The following ME2 variants were observed in gnomAD, a reference collection of about 807,000 sequenced individuals.
The protein encoded by ME2 is NAD-dependent malic enzyme, mitochondrial.
ME2 carries 60 observed loss-of-function variants against 73.7 expected under a neutral mutation model. The observed-to-expected ratio is 0.81, with a 90% CI of 0.66 to 1.01. The LOEUF (loss-of-function observed/expected upper bound fraction) is 1.01, where lower values mean the gene tolerates loss of function less well. ME2 is among the 50% of genes least tolerant of loss of function. The pLI is 0.00. For missense variants in ME2, 594 were observed against 705.5 expected (o/e 0.84, Z 1.79); for synonymous variants, 199 against 236.9 (o/e 0.84, Z 1.47).
chr18:50,909,560 T>C (rs1463376091), intron 3 of ME2, among the ~76,000 whole-genome samples: 1 of 152,158 alleles, frequency 6.6e-6, no homozygotes, highest in African/African-American at 2.4e-5. Context: ...GAACTAAGCA[T>C]ATCAATTGAG....
intron 4 of ME2, among the ~76,000 whole-genome samples, chr18:50,914,540 TTTG>T (rs1358887277): frequency 6.6e-6 from 1 of 152,206 alleles, no homozygotes; most frequent in African/African-American, 2.4e-5. Context: ...ATGGGTTTTT[TTTG>T]TTGTTCATTT....
At chr18:50,943,205 C>G (rs1173022840) in intron 15 of ME2, among the ~76,000 whole-genome samples, 1 of 152,084 alleles carries the variant, frequency 6.6e-6, no homozygotes, top group Non-Finnish European at 1.5e-5. Context: ...TTTTCTTAAA[C>G]ATTAGGATTG....
At chr18:50,882,867 T>A (rs532640619) in intron 1 of ME2, among the ~76,000 whole-genome samples, 10 of 152,238 alleles carry the variant, frequency 6.6e-5, no homozygotes, top group African/African-American at 2.4e-4. Flanking sequence ...GAGAATCGCT[T>A]GAACCTGGAA....
chr18:50,909,851 G>A (rs545400222), intron 3 of ME2, among the ~76,000 whole-genome samples: 3 of 152,136 alleles, frequency 2.0e-5, no homozygotes, highest in Non-Finnish European at 4.4e-5. Context: ...AAGGTCTAGG[G>A]AAAGGAAAAA....
chr18:50,904,172 C>G (rs1195040129), intron 2 of ME2, among the ~76,000 whole-genome samples: 1 of 151,962 alleles, frequency 6.6e-6, no homozygotes, highest in Non-Finnish European at 1.5e-5. Flanking sequence ...CACTCTAGCT[C>G]TCTTTTGGTT....
At chr18:50,880,883 T>C (rs2144170957) in intron 1 of ME2, among the ~76,000 whole-genome samples, 1 of 152,332 alleles carries the variant, frequency 6.6e-6, no homozygotes, top group East Asian at 1.9e-4. Context: ...AATATATTTA[T>C]GAAAACAAAA....
chr18:50,880,357 C>G (rs1050257685), intron 1 of ME2, among the ~76,000 whole-genome samples: 1 of 152,180 alleles, frequency 6.6e-6, no homozygotes, highest in African/African-American at 2.4e-5. Context: ...GCATCCTCCA[C>G]CCCCACTCCC....
chr18:50,913,666 A>G (rs1223876305), intron 4 of ME2, among the ~76,000 whole-genome samples: 1 of 152,050 alleles, frequency 6.6e-6, no homozygotes, highest in Non-Finnish European at 1.5e-5. Context: ...TTTCATTCCA[A>G]ATAGTTGTAG....
At chr18:50,941,047 C>T (rs1428086268) in intron 15 of ME2, among the ~76,000 whole-genome samples, 1 of 151,826 alleles carries the variant, frequency 6.6e-6, no homozygotes, top group African/African-American at 2.4e-5. Context: ...CATCTGAGGT[C>T]AGGAGTTCGA....
chr18:50,944,745 A>G (rs1012532285), intron 15 of ME2, among the ~76,000 whole-genome samples: 3 of 152,134 alleles, frequency 2.0e-5, no homozygotes, highest in African/African-American at 7.2e-5. Flanking sequence ...TATTGTATGC[A>G]TGGTGGCCAC....
intron 12 of ME2, among the ~76,000 whole-genome samples, chr18:50,931,906 C>T (rs1917699183): frequency 6.6e-6 from 1 of 152,112 alleles, no homozygotes; most frequent in Admixed American, 6.6e-5. Context: ...CCATCTCAAA[C>T]TCCTGGCCTC....
chr18:50,880,554 G>T (rs1916293622), intron 1 of ME2, among the ~76,000 whole-genome samples: 1 of 152,172 alleles, frequency 6.6e-6, no homozygotes, highest in Admixed American at 6.5e-5. Context: ...CTGGGAGGCC[G>T]ACGTGGGTGG....
At position 50,917,447 on chromosome 18, in the gene ME2, G is replaced by T; in HGVS notation, c.569G>T (p.Cys190Phe). 1 of 1,613,616 alleles carries T rather than the reference G, an allele frequency of 6.2e-7. No homozygotes were observed. Among genetic ancestry groups the T allele is most frequent in the Non-Finnish European group, 8.5e-7 (1 of 1,179,652 alleles). ...GGAAAACTTTGTTTGTATACAGCTT[G>T]TGCAGGAATACGGCCTGATAGATGC... ...PVGKLCLYTA[C>F]AGIRPDRCLP... Residue 190 changes from cysteine (C) to phenylalanine (F), a missense_variant, in exon 6 of 16, where the codon TGT becomes TTT. Physicochemically the swap from Cys to Phe is radical, Grantham distance 205 (BLOSUM62 -2). Transcript: ENST00000321341.
At chr18:50,932,155 A>G (rs1917707457) in intron 12 of ME2, 103 bp from the exon 13 acceptor site, 3 of 842,648 alleles carry the variant, frequency 3.6e-6, no homozygotes, top group East Asian at 5.2e-5. Flanking sequence ...TCCAAGTAAT[A>G]TATTGGTCTA....
intron 2 of ME2, among the ~76,000 whole-genome samples, chr18:50,906,397 C>G (rs1333912534): frequency 3.9e-5 from 6 of 152,100 alleles, no homozygotes; most frequent in Admixed American, 3.9e-4. Context: ...ACTGCAACTT[C>G]CACCTCCCAG....
chr18:50,920,572 CA>C lies in ME2; in HGVS notation c.844+14del. 2 of 1,570,758 alleles carry C rather than the reference CA, an allele frequency of 1.3e-6. No homozygotes were observed. Among genetic ancestry groups the C allele is most frequent in the East Asian group, 2.3e-5 (1 of 44,182 alleles). ...TTCAATGATGATATTCAAGGTAAAG[CA>C]AAAAAACTTCAGGGTTTTGATTCCT... On this transcript the variant is annotated splice_region_variant and intron_variant, in intron 8 of 15. Coordinates refer to ENST00000321341, the MANE Select transcript of ME2 (RefSeq NM_002396.5).
chr18:50,906,838 G>GAGGT (rs1368100766), intron 2 of ME2, among the ~76,000 whole-genome samples: 3 of 152,160 alleles, frequency 2.0e-5, no homozygotes, highest in Non-Finnish European at 4.4e-5. Flanking sequence ...CTTGCACAGA[G>GAGGT]CCTTAAGGTT....
In ME2 at chr18:50,942,782, TTGA is replaced by T. The variant is rs200611769; in HGVS notation, c.1587+2400_1587+2402del. The stretch of plus-strand genomic sequence containing the variant: ...AAAACATTCATTTTTATGAATTTAC[TTGA>T]TGACCAGTTTTTTGAACAATCTTAT... On this transcript the variant is annotated intron_variant, in intron 15 of 15. Coordinates refer to ENST00000321341, the MANE Select transcript of ME2 (RefSeq NM_002396.5). 4.6e-3 allele frequency: 1,312 copies of T among 282,926 alleles called. 20 individuals carry two copies. Among genetic ancestry groups the T allele is most frequent in the East Asian group, 0.044 (843 of 19,102 alleles). 17.5% of individuals were successfully genotyped at this position (282,926 alleles called of 1,614,324 possible).
intron 13 of ME2, chr18:50,933,391 A>G (rs968663791): frequency 2.0e-5 from 3 of 152,224 alleles, no homozygotes; most frequent in African/African-American, 7.2e-5. Flanking sequence ...GCAAGCATGT[A>G]TAACTGTTGT....
Sources: gnomAD v4.1 joint callset for allele counts (sites outside exome capture counted in the v4.1 genomes callset) on GRCh38, gnomAD v4.1.1 for gene constraint, MANE v1.5 for transcripts, NCBI Gene and HGNC (gene_info 2026-07-23, HGNC 2026-07-21) for gene names.